Variants in STRBP observed in about 807,000 individuals in gnomAD.
The protein encoded by STRBP is spermatid perinuclear RNA-binding protein.
In STRBP, 13 loss-of-function variants were observed where a neutral mutation model predicts 80.1. That is an observed-to-expected ratio of 0.16 (90% confidence interval 0.11 to 0.26). The LOEUF (loss-of-function observed/expected upper bound fraction) is 0.26, where lower values mean the gene tolerates loss of function less well. Ranked by LOEUF, STRBP falls within the 10% of genes least tolerant of loss-of-function variation. The pLI is 1.00. For missense variants in STRBP, 485 were observed against 815.2 expected (o/e 0.59, Z 4.93); for synonymous variants, 284 against 291.2 (o/e 0.98, Z 0.25).
At position 123,136,792 on chromosome 9, in the gene STRBP, T is replaced by TG. The variant is rs2036372979; in HGVS notation, c.1498-278dup. ...CACCACTGTGGGCCACTCCAGGCTCTGCTCTGTAGTGTTCGTGATCTAAGA... is the reference window on the plus strand; with the variant it reads ...CACCACTGTGGGCCACTCCAGGCTCTGGCTCTGTAGTGTTCGTGATCTAAGA... On this transcript the variant is annotated intron_variant, in intron 14 of 18. Coordinates refer to ENST00000348403, the MANE Select transcript of STRBP (RefSeq NM_018387.5). The surrounding 1 kb of genome is among the most constrained non-coding windows in gnomAD (Gnocchi z 4.2). Among the ~76,000 whole-genome samples the TG allele has an allele frequency of 6.6e-6, 1 of 152,224 alleles. No individual in the cohort carries two copies. The highest frequency in any genetic ancestry group is 1.5e-5 in the Non-Finnish European group (1 of 68,054).
intron 2 of STRBP, among the ~76,000 whole-genome samples, chr9:123,193,578 C>A (rs375567208): frequency 1.8e-4 from 27 of 152,132 alleles, no homozygotes; most frequent in African/African-American, 5.1e-4. Flanking sequence ...GCAGAGATGA[C>A]CCTTCTAAAA....
intron 2 of STRBP, among the ~76,000 whole-genome samples, chr9:123,206,661 C>T (rs1363360800): frequency 2.0e-5 from 3 of 151,168 alleles, no homozygotes; most frequent in South Asian, 2.1e-4. Context: ...ATTTTTGACA[C>T]GGGTTTCACT....
chr9:123,193,148 G>A (rs2038981866), intron 2 of STRBP, among the ~76,000 whole-genome samples: 1 of 152,016 alleles, frequency 6.6e-6, no homozygotes, highest in Non-Finnish European at 1.5e-5. Context: ...TTCCTCCTTT[G>A]AGCCATCCAG....
intron 7 of STRBP, 59 bp downstream of exon 7, chr9:123,160,918 T>G (rs1588018752): frequency 4.0e-5 from 55 of 1,371,154 alleles, no homozygotes; most frequent in Admixed American, 5.0e-5. Context: ...AAGTGGCAGG[T>G]GTTCCAAATG....
intron 4 of STRBP, among the ~76,000 whole-genome samples, chr9:123,175,613 T>C (rs1051766173): frequency 2.0e-5 from 3 of 152,256 alleles, no homozygotes; most frequent in African/African-American, 7.2e-5. Flanking sequence ...ATATTAACAA[T>C]AGAGAATCAG....
At chr9:123,216,941 A>G (rs1312417694) in intron 2 of STRBP, among the ~76,000 whole-genome samples, 1 of 152,228 alleles carries the variant, frequency 6.6e-6, no homozygotes, top group African/African-American at 2.4e-5. Context: ...TCTACAATTT[A>G]AATCCAAGTC....
At chr9:123,253,208 AAC>A (rs1195470971) in intron 1 of STRBP, among the ~76,000 whole-genome samples, 6 of 152,214 alleles carry the variant, frequency 3.9e-5, no homozygotes, top group Non-Finnish European at 7.3e-5. Context: ...GAAAAAAAGA[AAC>A]AGATAATTTC....
At position 123,136,231 on chromosome 9, in the gene STRBP, T is replaced by C. The variant is rs561356873; in HGVS notation, c.1633-50A>G. The C allele has an allele frequency of 2.5e-6, 4 of 1,606,252 alleles. No homozygotes were observed. Among genetic ancestry groups the C allele is most frequent in the African/African-American group, 2.7e-5 (2 of 74,348 alleles). ...AATTATCCCATGCAATTCCTCTATG[T>C]CCTTTTAATTTAAATAGATTATGAC... On this transcript the variant is annotated intron_variant, in intron 15 of 18. Transcript: ENST00000348403. The surrounding 1 kb of genome is among the most constrained non-coding windows in gnomAD (Gnocchi z 4.2).
intron 2 of STRBP, among the ~76,000 whole-genome samples, chr9:123,206,968 T>G (rs556906239): frequency 4.7e-4 from 72 of 152,314 alleles, no homozygotes; most frequent in African/African-American, 1.7e-3. Flanking sequence ...AACAAATTTA[T>G]CAAGAATCTA....
intron 2 of STRBP, among the ~76,000 whole-genome samples, chr9:123,219,851 G>A (rs2040014107): frequency 6.6e-6 from 1 of 152,188 alleles, no homozygotes; most frequent in Non-Finnish European, 1.5e-5. Context: ...ACCTTCAAAG[G>A]AGGGACACAC....
intron 11 of STRBP, among the ~76,000 whole-genome samples, chr9:123,152,236 T>G (rs865965616): frequency 2.0e-5 from 3 of 152,002 alleles, no homozygotes; most frequent in Admixed American, 2.0e-4. Flanking sequence ...AACATCAAAT[T>G]TATGCAAACT....
At chr9:123,196,631 A>G (rs2039099634) in intron 2 of STRBP, among the ~76,000 whole-genome samples, 1 of 152,238 alleles carries the variant, frequency 6.6e-6, no homozygotes, top group Non-Finnish European at 1.5e-5. Context: ...GGTGTATGAA[A>G]TGGTACTCAA....
At chr9:123,200,271 TG>T (rs1408432215) in intron 2 of STRBP, among the ~76,000 whole-genome samples, 1 of 152,240 alleles carries the variant, frequency 6.6e-6, no homozygotes, top group African/African-American at 2.4e-5. Context: ...GAAACCCACT[TG>T]ATCATGATCA....
chr9:123,158,192 T>TA lies in STRBP; in HGVS notation c.934-70dup. 2.0e-6 allele frequency: 3 copies of TA among 1,496,822 alleles called. No homozygotes were observed. The South Asian group carries it at 3.4e-5, about 17-fold the overall frequency. The allele number at this position is 1,496,822 out of a possible 1,614,324, so 92.7% of individuals were successfully genotyped here. A position where few individuals can be genotyped will look rare whatever the true frequency, so the allele number is the denominator to read the frequency against. On this transcript the variant is annotated intron_variant, in intron 10 of 18. Coordinates refer to ENST00000348403, the MANE Select transcript of STRBP (RefSeq NM_018387.5). ...TCATAAAGCCCTTAGAACATCTAGC[T>TA]AAAAAGACACTCATAAATTCTGACA... is the stretch of plus-strand genomic sequence containing the variant.
chr9:123,214,993 T>C (rs1472274095), intron 2 of STRBP, among the ~76,000 whole-genome samples: 1 of 152,164 alleles, frequency 6.6e-6, no homozygotes, highest in East Asian at 1.9e-4. Context: ...GAGTCCACTG[T>C]TCCTGGGTTA....
In STRBP at chr9:123,243,094, G is replaced by A. The variant is rs747664205; in HGVS notation, c.-301-6128C>T. 4.7e-4 allele frequency among the ~76,000 whole-genome samples: 72 copies of A among 151,868 alleles called. 1 individual carries two copies. Among genetic ancestry groups the A allele is most frequent in the Middle Eastern group, 3.2e-3 (1 of 316 alleles). ...ATATAGCCACAGTAATCAAGATTGC[G>A]TGGTATTGGTAGACGGACAGACACA... is the stretch of plus-strand genomic sequence containing the variant. On this transcript the variant is annotated intron_variant, in intron 1 of 18. Transcript: ENST00000348403.
At chr9:123,193,526 C>T (rs2038996187) in intron 2 of STRBP, among the ~76,000 whole-genome samples, 1 of 152,216 alleles carries the variant, frequency 6.6e-6, no homozygotes, top group African/African-American at 2.4e-5. Flanking sequence ...CAGTGACACA[C>T]TCAACTTTAC....
rs569720207 is a variant in STRBP at position 123,234,061 on chromosome 9, C to T, written c.-165+2769G>A. Among the ~76,000 whole-genome samples the T allele has an allele frequency of 7.2e-5, 11 of 151,914 alleles. No individual in the cohort carries two copies. The South Asian group carries it at 1.0e-3, about 14-fold the overall frequency. On this transcript the variant is annotated intron_variant, in intron 2 of 18. Transcript: ENST00000348403. ...TAAAAATACAAAAAAATTAGCCAGGCGTGGTGGCGGGCGCCTGTAGTCCCA... is the reference window on the plus strand; with the variant it reads ...TAAAAATACAAAAAAATTAGCCAGGTGTGGTGGCGGGCGCCTGTAGTCCCA...
At chr9:123,149,787 C>A (rs1319596099) in intron 11 of STRBP, among the ~76,000 whole-genome samples, 1 of 152,168 alleles carries the variant, frequency 6.6e-6, no homozygotes, top group African/African-American at 2.4e-5. Flanking sequence ...CTCATGAAGC[C>A]ATTACCTTTA....
Sources: gnomAD v4.1 joint callset for allele counts (sites outside exome capture counted in the v4.1 genomes callset) on GRCh38, gnomAD v4.1.1 for gene constraint, Gnocchi (gnomAD v3.1) non-coding constraint, MANE v1.5 for transcripts, NCBI Gene and HGNC (gene_info 2026-07-23, HGNC 2026-07-21) for gene names.